TMEM161B: variants seen among roughly 807,000 people sequenced by gnomAD.
TMEM161B encodes transmembrane protein 161B.
Under a neutral mutation model 61.8 loss-of-function variants are expected in TMEM161B, and 34 were observed. The observed-to-expected ratio is 0.55, with a 90% CI of 0.42 to 0.73. The LOEUF (loss-of-function observed/expected upper bound fraction) is 0.73, where lower values mean the gene tolerates loss of function less well. Among genes scored for constraint, TMEM161B ranks in the 30% least tolerant of loss-of-function variants. The probability of loss-of-function intolerance (pLI) is 0.00; values close to 1 mark genes in which losing one functional copy is unlikely to be tolerated. For synonymous variants in TMEM161B, 167 were observed against 192.8 expected, an observed-to-expected ratio of 0.87 and a Z score of 1.11; for missense variants, 456 against 558.5, an observed-to-expected ratio of 0.82 and a Z score of 1.85.
At chr5:88,224,460 T>C (rs1749617875) in intron 4 of TMEM161B, among the ~76,000 whole-genome samples, 1 of 152,184 alleles carries the variant, frequency 6.6e-6, no homozygotes, top group Non-Finnish European at 1.5e-5. Flanking sequence ...ATCATTGTCA[T>C]TATATAATTA....
intron 5 of TMEM161B, among the ~76,000 whole-genome samples, chr5:88,215,084 T>C (rs1041000093): frequency 6.6e-6 from 1 of 152,238 alleles, no homozygotes; most frequent in African/African-American, 2.4e-5. Context: ...TTAAATACTT[T>C]GCTTCCTTTT....
intron 2 of TMEM161B, among the ~76,000 whole-genome samples, chr5:88,234,791 G>A (rs943141374): frequency 6.6e-6 from 1 of 152,182 alleles, no homozygotes; most frequent in African/African-American, 2.4e-5. Context: ...TCAGTTGGGT[G>A]TGGTGGCTCA....
chr5:88,234,032 A>C (rs1751424538), intron 2 of TMEM161B, among the ~76,000 whole-genome samples: 1 of 151,838 alleles, frequency 6.6e-6, no homozygotes, highest in African/African-American at 2.4e-5. Context: ...AAATAGAGGA[A>C]TGGCCAAAAA....
chr5:88,226,390 G>A (rs1185733053), intron 3 of TMEM161B, among the ~76,000 whole-genome samples: 2 of 152,116 alleles, frequency 1.3e-5, no homozygotes, highest in Non-Finnish European at 2.9e-5. Flanking sequence ...AAATTCTTCC[G>A]GTGTATCTGT....
chr5:88,243,219 T>G (rs980130497), intron 1 of TMEM161B, among the ~76,000 whole-genome samples: 1 of 151,800 alleles, frequency 6.6e-6, no homozygotes, highest in Non-Finnish European at 1.5e-5. Context: ...ATAGGTAGTT[T>G]TTCAGTCATC....
intron 8 of TMEM161B, among the ~76,000 whole-genome samples, chr5:88,205,106 G>A (rs538431570): frequency 9.9e-5 from 15 of 152,056 alleles, no homozygotes; most frequent in Admixed American, 2.0e-4. Context: ...GTAGATATAA[G>A]CCTATCTTTC....
At chr5:88,263,621 A>G (rs963025090) in intron 1 of TMEM161B, among the ~76,000 whole-genome samples, 22 of 152,322 alleles carry the variant, frequency 1.4e-4, no homozygotes, top group Admixed American at 1.4e-3. Context: ...TCTTACTAAC[A>G]TGGGCAAAAC....
At chr5:88,224,970 T>TG (rs896927545) in intron 4 of TMEM161B, among the ~76,000 whole-genome samples, 5 of 141,786 alleles carry the variant, frequency 3.5e-5, no homozygotes, top group African/African-American at 1.3e-4. Context: ...TTTTTGTTTT[T>TG]TTTTTTTTTT....
At chr5:88,219,972 C>G (rs1748615529) in intron 5 of TMEM161B, among the ~76,000 whole-genome samples, 1 of 151,306 alleles carries the variant, frequency 6.6e-6, no homozygotes, top group African/African-American at 2.4e-5. Context: ...CTGAGGGCTC[C>G]AGGAGGATAT....
At chr5:88,187,541 G>T (rs949423321), downstream of TMEM161B, among the ~76,000 whole-genome samples, 1 of 151,938 alleles carries the variant, frequency 6.6e-6, no homozygotes, top group Non-Finnish European at 1.5e-5. Flanking sequence ...TATACATGTT[G>T]GTAAAAAGCT....
chr5:88,221,756 G>C (rs1166916857), intron 4 of TMEM161B: 2 of 455,772 alleles, frequency 4.4e-6, no homozygotes, highest in Non-Finnish European at 8.8e-6. Flanking sequence ...TTTTTAGAAG[G>C]CCTCCTAAAA....
chr5:88,238,689 C>T (rs1752251341), intron 2 of TMEM161B, among the ~76,000 whole-genome samples: 1 of 151,914 alleles, frequency 6.6e-6, no homozygotes, highest in South Asian at 2.1e-4. Flanking sequence ...AATATTTTTA[C>T]ATAGGCAATT....
At chr5:88,202,563 TAAC>T (rs1224204167) in intron 9 of TMEM161B, 2 of 188,098 alleles carry the variant, frequency 1.1e-5, no homozygotes, top group East Asian at 3.4e-4. Flanking sequence ...TGGAAAATGT[TAAC>T]AACTGTCAAA....
chr5:88,225,344 G>A (rs1267978473), intron 4 of TMEM161B, among the ~76,000 whole-genome samples: 1 of 151,970 alleles, frequency 6.6e-6, no homozygotes, highest in Non-Finnish European at 1.5e-5. Context: ...GTTATGGGGG[G>A]TAAAAAGTCA....
chr5:88,210,635 G>A (rs139525864), intron 5 of TMEM161B, among the ~76,000 whole-genome samples: 1 of 152,254 alleles, frequency 6.6e-6, no homozygotes, highest in African/African-American at 2.4e-5. Context: ...CACAGTCAAA[G>A]GTAGTACTCA....
intron 10 of TMEM161B, 152 bp downstream of exon 10, chr5:88,198,824 C>A (rs987601613): frequency 2.8e-6 from 2 of 710,676 alleles, no homozygotes; most frequent in African/African-American, 3.7e-5. Flanking sequence ...AGATCAAGGT[C>A]TCTTTGATAT....
chr5:88,227,051 T>A (rs1750172804), intron 3 of TMEM161B, among the ~76,000 whole-genome samples: 1 of 152,026 alleles, frequency 6.6e-6, no homozygotes. Context: ...CATCTGGGCA[T>A]GGTGTTGCAT....
intron 1 of TMEM161B, among the ~76,000 whole-genome samples, chr5:88,258,043 A>T (rs1755208275): frequency 6.6e-6 from 1 of 152,240 alleles, no homozygotes; most frequent in Non-Finnish European, 1.5e-5. Context: ...CACTTCTGAT[A>T]AGAATGATTA....
intron 1 of TMEM161B, among the ~76,000 whole-genome samples, chr5:88,248,213 T>G (rs1350800328): frequency 6.6e-6 from 1 of 152,064 alleles, no homozygotes; most frequent in African/African-American, 2.4e-5. Flanking sequence ...TGCAAGGACA[T>G]TTTTCCAAGG....
Sources: allele counts gnomAD v4.1 joint callset (sites outside exome capture counted in the v4.1 genomes callset), GRCh38; gene constraint gnomAD v4.1.1; transcripts MANE v1.5; gene names NCBI Gene and HGNC (gene_info 2026-07-23, HGNC 2026-07-21).